Variants in ENTREP2 observed in about 807,000 individuals in gnomAD.
ENTREP2 encodes the protein protein ENTREP2.
chr15:29,181,770 T>G, the ENTREP2 span, among the ~76,000 whole-genome samples: 1 of 152,218 alleles, frequency 6.6e-6, no homozygotes, highest in African/African-American at 2.4e-5. Context: ...CAGCATTTGC[T>G]AAAATTTAAA....
the ENTREP2 span, among the ~76,000 whole-genome samples, chr15:29,170,509 C>G: frequency 6.6e-6 from 1 of 152,024 alleles, no homozygotes; most frequent in Admixed American, 6.5e-5. Flanking sequence ...AGATTCAATA[C>G]TATAAATACA....
chr15:29,666,529 T>G, the ENTREP2 span, among the ~76,000 whole-genome samples: 1 of 152,058 alleles, frequency 6.6e-6, no homozygotes, highest in Non-Finnish European at 1.5e-5. Context: ...CAAGCTAGAC[T>G]ATTTTGATCA....
At chr15:29,531,722 G>A in the ENTREP2 span, among the ~76,000 whole-genome samples, 1 of 152,224 alleles carries the variant, frequency 6.6e-6, no homozygotes, top group Admixed American at 6.5e-5. Flanking sequence ...CTGCAGCGCA[G>A]TGGCGCAATC....
At chr15:29,402,291 A>AG in the ENTREP2 span, among the ~76,000 whole-genome samples, 3 of 82,840 alleles carry the variant, frequency 3.6e-5, no homozygotes, top group Non-Finnish European at 5.3e-5. Context: ...TGTATATTGT[A>AG]TTGTGTGTGT....
At chr15:29,570,563 A>G in the ENTREP2 span, 1 of 1,469,884 alleles carries the variant, frequency 6.8e-7, no homozygotes, top group East Asian at 2.9e-5. Context: ...GGTGAGCGCC[A>G]GCGCGGCGAA....
At chr15:29,138,696 T>C in the ENTREP2 span, among the ~76,000 whole-genome samples, 2 of 94,544 alleles carry the variant, frequency 2.1e-5, no homozygotes, top group East Asian at 2.3e-4. Context: ...TGTATGTGTG[T>C]GTATGCGTGT....
At chr15:29,352,002 ATAAC>A in the ENTREP2 span, among the ~76,000 whole-genome samples, 2 of 152,024 alleles carry the variant, frequency 1.3e-5, no homozygotes, top group Non-Finnish European at 2.9e-5. Flanking sequence ...TGGCACAATC[ATAAC>A]TAACTATAAC....
the ENTREP2 span, chr15:29,268,995 C>A: frequency 3.7e-6 from 6 of 1,614,174 alleles, no homozygotes; most frequent in Non-Finnish European, 5.1e-6. Context: ...TGTGGGGTAT[C>A]CGCCGGTATT....
At chr15:29,250,182 C>A in the ENTREP2 span, among the ~76,000 whole-genome samples, 1 of 152,050 alleles carries the variant, frequency 6.6e-6, no homozygotes, top group African/African-American at 2.4e-5. Flanking sequence ...GTCACATAAC[C>A]AGGAGGTGGT....
At chr15:29,383,231 A>G in the ENTREP2 span, among the ~76,000 whole-genome samples, 1 of 152,264 alleles carries the variant, frequency 6.6e-6, no homozygotes, top group South Asian at 2.1e-4. Flanking sequence ...CACACCGTCC[A>G]CAGGCTCTGC....
chr15:29,346,966 A>G, the ENTREP2 span, among the ~76,000 whole-genome samples: 2 of 152,218 alleles, frequency 1.3e-5, no homozygotes, highest in Admixed American at 6.5e-5. Context: ...CAAGAGTTAA[A>G]ACTATAGCTT....
the ENTREP2 span, chr15:29,252,478 T>C: frequency 1.3e-6 from 2 of 1,535,494 alleles, no homozygotes; most frequent in Non-Finnish European, 1.8e-6. Context: ...AAAAAGGTTA[T>C]CTGGAAACAA....
the ENTREP2 span, among the ~76,000 whole-genome samples, chr15:29,127,159 G>A: frequency 9.2e-5 from 14 of 152,332 alleles, no homozygotes; most frequent in East Asian, 2.3e-3. Flanking sequence ...GGTCTGGACC[G>A]GGATGCTGGT....
the ENTREP2 span, among the ~76,000 whole-genome samples, chr15:29,308,303 G>C: frequency 1.1e-4 from 16 of 152,308 alleles, no homozygotes; most frequent in African/African-American, 3.6e-4. Context: ...TTAAGCCAGG[G>C]AGGTGGAGGT....
chr15:29,263,481 A>T, the ENTREP2 span, among the ~76,000 whole-genome samples: 1 of 152,166 alleles, frequency 6.6e-6, no homozygotes, highest in Non-Finnish European at 1.5e-5. Context: ...TATGTGGGAC[A>T]TTGGAGCCCA....
At chr15:29,221,330 T>A in the ENTREP2 span, among the ~76,000 whole-genome samples, 1 of 152,060 alleles carries the variant, frequency 6.6e-6, no homozygotes, top group African/African-American at 2.4e-5. Context: ...GCCTCCCAAG[T>A]AGCTGGGATT....
the ENTREP2 span, among the ~76,000 whole-genome samples, chr15:29,407,236 T>C: frequency 1.3e-5 from 2 of 152,244 alleles, no homozygotes; most frequent in African/African-American, 4.8e-5. Flanking sequence ...TGTAGGCAAC[T>C]GTAATACAAT....
chr15:29,217,393 A>G, the ENTREP2 span, among the ~76,000 whole-genome samples: 1 of 152,132 alleles, frequency 6.6e-6, no homozygotes, highest in Non-Finnish European at 1.5e-5. Context: ...GGTTAGTAAA[A>G]ACGAGGTTGG....
chr15:29,275,537 A>C, the ENTREP2 span, among the ~76,000 whole-genome samples: 4 of 152,250 alleles, frequency 2.6e-5, no homozygotes, highest in African/African-American at 9.6e-5. Flanking sequence ...TTCATGCTTT[A>C]ATTACTAGAC....
Sources: gnomAD v4.1 joint callset for allele counts (sites outside exome capture counted in the v4.1 genomes callset) on GRCh38, gnomAD v4.1.1 for gene constraint, MANE v1.5 for transcripts, NCBI Gene and HGNC (gene_info 2026-07-23, HGNC 2026-07-21) for gene names.